Variants in ABCC8 observed in about 807,000 individuals in gnomAD.
ABCC8 encodes the protein ATP binding cassette subfamily C member 8.
A neutral mutation model predicts 188.0 loss-of-function variants in ABCC8; 137 were observed. That is an observed-to-expected ratio of 0.73 (90% CI 0.63 to 0.84). ABCC8 has a LOEUF of 0.84. ABCC8 is among the 40% of genes least tolerant of loss of function. The pLI is 0.00. For missense variants in ABCC8, 1,750 were observed against 2,072.7 expected, an observed-to-expected ratio of 0.84 and a Z score of 3.02; for synonymous variants, 797 against 846.5, an observed-to-expected ratio of 0.94 and a Z score of 1.01.
At chr11:17,424,488 G>A (rs1285186142) in intron 16 of ABCC8, among the ~76,000 whole-genome samples, 1 of 152,182 alleles carries the variant, frequency 6.6e-6, no homozygotes, top group Non-Finnish European at 1.5e-5. Flanking sequence ...GCAGGGCAGA[G>A]CAGACCCCTG....
rs886048055 is a variant in ABCC8, at chr11:17,442,745, G to A, written c.1605C>T (p.Ala535=). Residue 535 remains alanine (A), a synonymous_variant, in exon 10 of 39, where the codon GCC becomes GCT. Transcript: ENST00000389817. ...TGGAGATGGAGGTATAGATGGCAAAGGCCCTGAGGCTGGTCATCTCCTTCC... is the reference window on the plus strand; with the variant it reads ...TGGAGATGGAGGTATAGATGGCAAAAGCCCTGAGGCTGGTCATCTCCTTCC... The part of the protein sequence containing the change: ...TRRKEMTSLR[A]FAIYTSISIF... 3 of 1,613,874 alleles carry A rather than the reference G, an allele frequency of 1.9e-6. No homozygotes were observed. Among genetic ancestry groups the A allele is most frequent in the Non-Finnish European group, 2.5e-6 (3 of 1,180,040 alleles).
chr11:17,440,119 G>A lies in ABCC8; in HGVS notation c.1630+2601C>T, dbSNP rs760801339. On this transcript the variant is annotated intron_variant, in intron 10 of 38. Transcript: ENST00000389817. ...GACCTGAGGCTGCCCCAACTTCACTGCTTGCTGTGCCAGGAACCTTGGGGA... is the reference window on the plus strand; with the variant it reads ...GACCTGAGGCTGCCCCAACTTCACTACTTGCTGTGCCAGGAACCTTGGGGA... 3.9e-5 allele frequency among the ~76,000 whole-genome samples: 6 copies of A among 152,244 alleles called. No homozygotes were observed. In the South Asian group the frequency reaches 1.0e-3, roughly 26 times the overall value.
intron 29 of ABCC8, among the ~76,000 whole-genome samples, chr11:17,399,866 T>A (rs969907657): frequency 6.6e-6 from 1 of 152,240 alleles, no homozygotes; most frequent in Non-Finnish European, 1.5e-5. Flanking sequence ...GTCCTCATCA[T>A]GTTTTCCCTG....
chr11:17,475,993 A>G (rs945009108), intron 1 of ABCC8, among the ~76,000 whole-genome samples: 4 of 152,172 alleles, frequency 2.6e-5, no homozygotes, highest in Non-Finnish European at 5.9e-5. Context: ...AGTCGGAGCT[A>G]CTTTGCGCAG....
At chr11:17,466,120 G>A (rs1848128897) in intron 3 of ABCC8, among the ~76,000 whole-genome samples, 2 of 152,146 alleles carry the variant, frequency 1.3e-5, no homozygotes, top group Non-Finnish European at 2.9e-5. Flanking sequence ...AGACAAATAG[G>A]CCAGGCAAGG....
At chr11:17,454,847 C>T (rs779111596) in intron 6 of ABCC8, among the ~76,000 whole-genome samples, 31 of 152,260 alleles carry the variant, frequency 2.0e-4, no homozygotes, top group Middle Eastern at 6.8e-3. Flanking sequence ...TCGTCCAGGC[C>T]TTTGACCTTA....
Position 17,436,805 on chromosome 11 carries a change from A to G in ABCC8, c.1631-4561T>C, listed in dbSNP as rs865945779. Among the ~76,000 whole-genome samples the G allele has an allele frequency of 1.4e-4, 22 of 152,246 alleles. 1 individual carries two copies. The Middle Eastern group carries it at 0.01, about 71-fold the overall frequency. ...AATATCCCTTAAGACTTATCCATTC[A>G]AGGCTGGGCACAGTGGCTCACGCCT... is the stretch of plus-strand genomic sequence containing the variant. On this transcript the variant is annotated intron_variant, in intron 10 of 38. Coordinates refer to ENST00000389817, the MANE Select transcript of ABCC8 (RefSeq NM_000352.6).
Position 17,428,608 on chromosome 11 carries a change from TG to T in ABCC8, c.1879del (p.His627MetfsTer20), listed in dbSNP as rs764613146. ...AEIREEQCAP[H>X]EPTPQGPASK... is the part of the protein sequence containing the mutation. ...GGCTGGGCCCTGAGGTGTGGGCTCATGGGGGGCACACTGCTCCTCACGGATC... is the reference window on the plus strand; with the variant it reads ...GGCTGGGCCCTGAGGTGTGGGCTCATGGGGGCACACTGCTCCTCACGGATC... On this transcript the variant is annotated frameshift_variant, in exon 13 of 39. Coordinates refer to ENST00000389817, the MANE Select transcript of ABCC8 (RefSeq NM_000352.6). LOFTEE classifies it high-confidence loss of function. The T allele has an allele frequency of 2.2e-5, 36 of 1,613,996 alleles. No individual in the cohort carries two copies. Among genetic ancestry groups the T allele is most frequent in the Non-Finnish European group, 3.1e-5 (36 of 1,180,000 alleles).
intron 26 of ABCC8, among the ~76,000 whole-genome samples, chr11:17,405,944 G>A (rs1954496847): frequency 6.6e-6 from 1 of 152,200 alleles, no homozygotes; most frequent in African/African-American, 2.4e-5. Flanking sequence ...CCCCAACCAG[G>A]GAGTTTCAGA....
At chr11:17,447,402 T>TA (rs775104592) in intron 8 of ABCC8, among the ~76,000 whole-genome samples, 124 of 152,204 alleles carry the variant, frequency 8.1e-4, no homozygotes, top group Non-Finnish European at 1.5e-3. Context: ...TGTCTTGCTT[T>TA]AAAAAAATAC....
intron 19 of ABCC8, 125 bp downstream of exon 19, chr11:17,414,387 A>T: frequency 3.0e-6 from 4 of 1,351,936 alleles, no homozygotes; most frequent in Non-Finnish European, 4.2e-6. Context: ...GCTGGAGTGC[A>T]GGTAAGCACC....
intron 3 of ABCC8, among the ~76,000 whole-genome samples, chr11:17,468,078 G>A (rs1848270441): frequency 6.6e-6 from 1 of 152,178 alleles, no homozygotes; most frequent in African/African-American, 2.4e-5. Context: ...GTGGCTCTCT[G>A]AAGCCTGTAT....
chr11:17,423,349 T>C, intron 16 of ABCC8, among the ~76,000 whole-genome samples: 1 of 63,826 alleles, frequency 1.6e-5, no homozygotes, highest in Admixed American at 2.8e-4. Context: ...AGGGCGAGAC[T>C]CCGTCTCAAA....
At position 17,442,775 on chromosome 11, in the gene ABCC8, G is replaced by A. The variant is rs753182037; in HGVS notation, c.1575C>T (p.Thr525=). 23 of 1,613,902 alleles carry A rather than the reference G, an allele frequency of 1.4e-5. No individual in the cohort carries two copies. The highest frequency in any genetic ancestry group is 1.7e-5 in the Non-Finnish European group (20 of 1,180,054). Residue 525 remains threonine, a synonymous_variant, in exon 10 of 39, where the codon ACC becomes ACT. Transcript: ENST00000389817. ...ENIFRTRVET[T]RRKEMTSLRA... ...TGAGGCTGGTCATCTCCTTCCTGCG[G>A]GTCGTCTCCACCCGCGTGCGGAAGA...
At chr11:17,443,934 C>CA (rs1462819620) in intron 8 of ABCC8, among the ~76,000 whole-genome samples, 1 of 152,190 alleles carries the variant, frequency 6.6e-6, no homozygotes, top group African/African-American at 2.4e-5. Context: ...GCCAAGATGA[C>CA]AGTTTCTCAG....
Position 17,428,032 on chromosome 11 carries a change from G to A in ABCC8, c.2041-90C>T. 1.9e-5 allele frequency: 30 copies of A among 1,585,294 alleles called. 1 individual carries two copies. In the South Asian group the frequency reaches 3.2e-4, roughly 17 times the overall value. ...CTCTGGCTTCCCCTCCTCCATGAAA[G>A]CCAAAAGACACTGATTCCAGCCCCT... On this transcript the variant is annotated intron_variant, in intron 14 of 38. Coordinates refer to ENST00000389817, the MANE Select transcript of ABCC8 (RefSeq NM_000352.6).
intron 29 of ABCC8, among the ~76,000 whole-genome samples, chr11:17,399,275 C>CAAAAAAAAAAAAAAAAAAAAAAAAAAAA (rs57138230): frequency 1.7e-5 from 1 of 58,548 alleles, no homozygotes; most frequent in Non-Finnish European, 2.8e-5. Context: ...GACTCTGCCT[C>CAAAAAAAAAAAAAAAAAAAAAAAAAAAA]AAAAAAAAAA....
intron 18 of ABCC8, 130 bp downstream of exon 18, chr11:17,415,174 C>G (rs1955008795): frequency 1.5e-6 from 2 of 1,318,390 alleles, no homozygotes; most frequent in East Asian, 5.0e-5. Context: ...GCACAGGGGC[C>G]CTCCCTGGCC....
At chr11:17,414,868 G>T (rs1363581715) in intron 18 of ABCC8, among the ~76,000 whole-genome samples, 1 of 152,104 alleles carries the variant, frequency 6.6e-6, no homozygotes, top group Non-Finnish European at 1.5e-5. Context: ...CCTGCAGTCT[G>T]TTGTTCCTTA....
Sources: gnomAD v4.1 joint callset for allele counts (sites outside exome capture counted in the v4.1 genomes callset) on GRCh38, gnomAD v4.1.1 for gene constraint, MANE v1.5 for transcripts, NCBI Gene and HGNC (gene_info 2026-07-23, HGNC 2026-07-21) for gene names.